The following NLGN1 variants were observed in gnomAD, a reference collection of about 807,000 sequenced individuals.
NLGN1 encodes neuroligin-1.
NLGN1 carries 12 observed loss-of-function variants against 65.5 expected under a neutral mutation model. The ratio of observed to expected loss-of-function variants is 0.18; its 90% confidence interval spans 0.12 to 0.30. NLGN1 has a LOEUF of 0.30. Ranked by LOEUF, NLGN1 falls within the 10% of genes least tolerant of loss-of-function variation. The pLI is 1.00. For synonymous variants in NLGN1, 350 were observed against 359.5 expected (o/e 0.97, Z 0.30); for missense variants, 750 against 1,007.1 (o/e 0.74, Z 3.46).
intron 3 of NLGN1, among the ~76,000 whole-genome samples, chr3:173,707,781 A>C (rs1383229421): frequency 6.6e-6 from 1 of 152,176 alleles, no homozygotes; most frequent in Non-Finnish European, 1.5e-5. Flanking sequence ...TAAGAAACTG[A>C]AAAATTATAG....
chr3:173,764,577 G>C (rs1010389749), intron 3 of NLGN1, among the ~76,000 whole-genome samples: 3 of 152,160 alleles, frequency 2.0e-5, no homozygotes, highest in African/African-American at 7.2e-5. Context: ...AGATGGCATT[G>C]TCAGATGCCA....
intron 4 of NLGN1, among the ~76,000 whole-genome samples, chr3:173,989,976 G>A (rs1234942875): frequency 1.3e-5 from 2 of 152,190 alleles, no homozygotes; most frequent in African/African-American, 2.4e-5. Context: ...CAGACAGATA[G>A]AAGAATAAGG....
At chr3:174,011,261 G>A (rs558240560) in intron 4 of NLGN1, among the ~76,000 whole-genome samples, 2 of 152,148 alleles carry the variant, frequency 1.3e-5, no homozygotes, top group African/African-American at 2.4e-5. Flanking sequence ...GACATTTATT[G>A]GAGTAATAAA....
intron 3 of NLGN1, among the ~76,000 whole-genome samples, chr3:173,657,753 T>C (rs1201343170): frequency 6.6e-6 from 1 of 151,686 alleles, no homozygotes; most frequent in Non-Finnish European, 1.5e-5. Flanking sequence ...AGTAGCAGGA[T>C]GGAAGAAAGA....
intron 1 of NLGN1, among the ~76,000 whole-genome samples, chr3:173,413,605 T>TAA (rs1375049993): frequency 6.6e-6 from 1 of 151,744 alleles, no homozygotes; most frequent in African/African-American, 2.4e-5. Context: ...ATCTCAAAAA[T>TAA]AAAATTAAAA....
At chr3:174,134,775 TAC>T (rs774105755) in intron 4 of NLGN1, among the ~76,000 whole-genome samples, 5 of 152,186 alleles carry the variant, frequency 3.3e-5, no homozygotes, top group Non-Finnish European at 7.3e-5. Context: ...CAATTTCTCA[TAC>T]ACAGTTAAAT....
chr3:173,779,059 T>C (rs1382999836), intron 3 of NLGN1, among the ~76,000 whole-genome samples: 1 of 151,550 alleles, frequency 6.6e-6, no homozygotes, highest in African/African-American at 2.4e-5. Flanking sequence ...ATAAGAACAT[T>C]CCTAAAGTTA....
chr3:174,074,200 C>A (rs1051553949), intron 4 of NLGN1, among the ~76,000 whole-genome samples: 1 of 152,076 alleles, frequency 6.6e-6, no homozygotes, highest in Non-Finnish European at 1.5e-5. Flanking sequence ...ATAACTCTCA[C>A]GTGTTTCTGT....
the NLGN1 span, among the ~76,000 whole-genome samples, chr3:174,292,149 C>A: frequency 6.6e-6 from 1 of 151,178 alleles, no homozygotes; most frequent in South Asian, 2.1e-4. Context: ...TAAAAACCCA[C>A]CTTATTGTTT....
At chr3:173,987,258 T>C (rs1720145433) in intron 4 of NLGN1, among the ~76,000 whole-genome samples, 1 of 152,166 alleles carries the variant, frequency 6.6e-6, no homozygotes, top group African/African-American at 2.4e-5. Context: ...AAATGGCACT[T>C]GTAACAAAGG....
chr3:174,138,156 T>G (rs1428604219), intron 4 of NLGN1, among the ~76,000 whole-genome samples: 1 of 152,192 alleles, frequency 6.6e-6, no homozygotes, highest in East Asian at 1.9e-4. Flanking sequence ...ATAAATAGTT[T>G]AATAGCACGT....
At chr3:173,520,720 A>T (rs1447873007) in intron 2 of NLGN1, among the ~76,000 whole-genome samples, 1 of 152,194 alleles carries the variant, frequency 6.6e-6, no homozygotes, top group Admixed American at 6.5e-5. Context: ...TTTTTGGAGA[A>T]ACAACTGGGT....
intron 1 of NLGN1, among the ~76,000 whole-genome samples, chr3:173,432,167 T>C (rs1446640162): frequency 6.6e-6 from 1 of 152,226 alleles, no homozygotes; most frequent in Non-Finnish European, 1.5e-5. Context: ...TTGGAAATGA[T>C]AGATAAAACT....
intron 3 of NLGN1, among the ~76,000 whole-genome samples, chr3:173,801,603 A>G (rs1715473405): frequency 1.3e-5 from 2 of 152,078 alleles, no homozygotes; most frequent in Admixed American, 1.3e-4. Context: ...GAGGTGGAGT[A>G]TTGAGAACTT....
At chr3:174,192,292 ATTAT>A (rs1223878686) in intron 4 of NLGN1, among the ~76,000 whole-genome samples, 3 of 152,148 alleles carry the variant, frequency 2.0e-5, no homozygotes, top group Non-Finnish European at 2.9e-5. Flanking sequence ...CTCTAAATTT[ATTAT>A]TTGAAAAATG....
intron 4 of NLGN1, among the ~76,000 whole-genome samples, chr3:174,210,433 G>T (rs1358154586): frequency 6.6e-6 from 1 of 152,130 alleles, no homozygotes; most frequent in Non-Finnish European, 1.5e-5. Context: ...GCCCTTCAAA[G>T]TGTATAGTAG....
chr3:173,994,490 A>AT (rs200545322), intron 4 of NLGN1, among the ~76,000 whole-genome samples: 1 of 131,290 alleles, frequency 7.6e-6, no homozygotes, highest in African/African-American at 3.1e-5. Flanking sequence ...AAAAAAAAAA[A>AT]AAGAGAGAGA....
At chr3:174,101,670 T>A (rs1316280984) in intron 4 of NLGN1, among the ~76,000 whole-genome samples, 1 of 152,228 alleles carries the variant, frequency 6.6e-6, no homozygotes, top group Non-Finnish European at 1.5e-5. Context: ...AAACGTGTCT[T>A]TGTCTTTTAT....
intron 3 of NLGN1, among the ~76,000 whole-genome samples, chr3:173,633,385 T>TA (rs1368882175): frequency 1.3e-5 from 2 of 152,160 alleles, no homozygotes; most frequent in Non-Finnish European, 2.9e-5. Flanking sequence ...TCAGTGTTTT[T>TA]AATGTACATT....
Sources: gnomAD v4.1 joint callset for allele counts (sites outside exome capture counted in the v4.1 genomes callset) on GRCh38, gnomAD v4.1.1 for gene constraint, MANE v1.5 for transcripts, NCBI Gene and HGNC (gene_info 2026-07-23, HGNC 2026-07-21) for gene names.